SHANK2: variants seen among roughly 807,000 people sequenced by gnomAD.
SHANK2 encodes the protein SH3 and multiple ankyrin repeat domains 2, also known as SH3 and multiple ankyrin repeat domains protein 2.
Under a neutral mutation model 133.7 loss-of-function variants are expected in SHANK2, and 43 were observed. The ratio of observed to expected loss-of-function variants is 0.32; its 90% CI spans 0.25 to 0.41. SHANK2 has a LOEUF of 0.41. SHANK2 is among the 10% of genes least tolerant of loss of function. The pLI is 1.00. For missense variants in SHANK2, 1,994 were observed against 2,235.8 expected (o/e 0.89, Z 2.18); for synonymous variants, 1,017 against 952.8 (o/e 1.07, Z -1.24).
intron 17 of SHANK2, among the ~76,000 whole-genome samples, chr11:70,503,942 GC>G (rs2059098759): frequency 6.6e-6 from 1 of 152,196 alleles, no homozygotes; most frequent in African/African-American, 2.4e-5. Context: ...AAAGGCCCCG[GC>G]CTCACCCCTG....
chr11:70,547,709 A>G (rs1429844631), intron 17 of SHANK2, among the ~76,000 whole-genome samples: 2 of 152,160 alleles, frequency 1.3e-5, no homozygotes, highest in East Asian at 3.9e-4. Flanking sequence ...AAGAAAAGCA[A>G]CTTCTCTGGG....
At chr11:70,762,512 T>G (rs1591822453) in intron 14 of SHANK2, among the ~76,000 whole-genome samples, 1 of 152,176 alleles carries the variant, frequency 6.6e-6, no homozygotes, top group South Asian at 2.1e-4. Flanking sequence ...AGGGTTTTTG[T>G]GGTGCCAAGT....
At chr11:70,894,046 C>A (rs143973287) in intron 11 of SHANK2, among the ~76,000 whole-genome samples, 13 of 152,242 alleles carry the variant, frequency 8.5e-5, no homozygotes, top group African/African-American at 2.9e-4. Context: ...CCTCTCTGTT[C>A]GTAAAGAGTT....
chr11:71,061,111 G>A (rs1345486955), intron 9 of SHANK2, among the ~76,000 whole-genome samples: 1 of 152,262 alleles, frequency 6.6e-6, no homozygotes, highest in Non-Finnish European at 1.5e-5. Flanking sequence ...CACTGTGGGA[G>A]GTGCAGGTCA....
At chr11:70,769,717 G>A (rs562035788) in intron 14 of SHANK2, among the ~76,000 whole-genome samples, 10 of 148,904 alleles carry the variant, frequency 6.7e-5, no homozygotes, top group South Asian at 2.2e-4. Context: ...ACACATGTGC[G>A]TGTGTTCTAT....
chr11:70,525,614 G>A (rs1372736165), intron 17 of SHANK2, among the ~76,000 whole-genome samples: 1 of 152,116 alleles, frequency 6.6e-6, no homozygotes, highest in Non-Finnish European at 1.5e-5. Flanking sequence ...ATCAGAACAG[G>A]AGCGAACAGG....
chr11:71,083,065 C>T (rs966073320), intron 8 of SHANK2, among the ~76,000 whole-genome samples: 1 of 152,010 alleles, frequency 6.6e-6, no homozygotes, highest in African/African-American at 2.4e-5. Context: ...CCACCTCAGC[C>T]TCCAAAGTAG....
At chr11:70,626,809 C>A (rs1555000120) in intron 17 of SHANK2, among the ~76,000 whole-genome samples, 7 of 152,334 alleles carry the variant, frequency 4.6e-5, no homozygotes, top group Middle Eastern at 3.4e-3. Flanking sequence ...GGAGGCAGAG[C>A]TGGCCTCTGT....
intron 17 of SHANK2, among the ~76,000 whole-genome samples, chr11:70,587,010 C>T (rs1478232465): frequency 3.9e-5 from 6 of 152,194 alleles, no homozygotes; most frequent in African/African-American, 9.6e-5. Context: ...CCGCTGGGCA[C>T]ATGCAGGAAT....
chr11:70,485,912 C>T lies in SHANK2; in HGVS notation c.4381G>A (p.Asp1461Asn). Residue 1461 changes from aspartate to asparagine, a missense_variant, in exon 25 of 26, where the codon GAC becomes AAC. Physicochemically the swap from Asp to Asn is conservative, Grantham distance 23. Coordinates refer to ENST00000601538, the MANE Select transcript of SHANK2 (RefSeq NM_012309.5). This position sits in a 1 kb window ranked among gnomAD's most constrained non-coding sequence, Gnocchi z 5.8. ...LNSSQPTNSA[D>N]SKKPASLSNC... The stretch of plus-strand genomic sequence containing the variant: ...GAAAGACTGGCTGGCTTCTTGCTGT[C>T]TGCAGAGTTGGTTGGTTGGCTGGAG... 1 of 1,614,086 alleles carries T rather than the reference C, an allele frequency of 6.2e-7. No homozygotes were observed. The highest frequency in any genetic ancestry group is 1.3e-5 in the African/African-American group (1 of 75,036).
chr11:70,842,321 C>A (rs1294156128), intron 11 of SHANK2, among the ~76,000 whole-genome samples: 1 of 152,188 alleles, frequency 6.6e-6, no homozygotes, highest in Non-Finnish European at 1.5e-5. Context: ...AGCATATTCC[C>A]TGCCGGGTGG....
intron 25 of SHANK2, among the ~76,000 whole-genome samples, chr11:70,482,693 AAG>A (rs1371572572): frequency 6.6e-6 from 1 of 152,158 alleles, no homozygotes; most frequent in Non-Finnish European, 1.5e-5. Context: ...TTCTTACTGT[AAG>A]AGAGCCGGGC....
intron 17 of SHANK2, among the ~76,000 whole-genome samples, chr11:70,545,388 G>A (rs1554976123): frequency 6.6e-6 from 1 of 152,176 alleles, no homozygotes; most frequent in East Asian, 1.9e-4. Flanking sequence ...GGGCTCCCAG[G>A]GAGGGGCTGG....
At chr11:70,947,870 G>A (rs1950771228) in intron 10 of SHANK2, among the ~76,000 whole-genome samples, 1 of 152,092 alleles carries the variant, frequency 6.6e-6, no homozygotes, top group Admixed American at 6.5e-5. Flanking sequence ...CCATTTTAGA[G>A]TTCTCTTCTG....
intron 14 of SHANK2, among the ~76,000 whole-genome samples, chr11:70,760,273 G>T (rs1315765495): frequency 6.6e-6 from 1 of 152,200 alleles, no homozygotes; most frequent in Non-Finnish European, 1.5e-5. Flanking sequence ...ATAAAGCCCC[G>T]TTCCACCCTC....
At chr11:70,563,914 T>A (rs1286243918) in intron 17 of SHANK2, among the ~76,000 whole-genome samples, 1 of 152,242 alleles carries the variant, frequency 6.6e-6, no homozygotes, top group Admixed American at 6.5e-5. Flanking sequence ...TTGAAATAAC[T>A]CTGTTGAATA....
At chr11:70,889,773 TCAGGACCAGGAC>T (rs113835444) in intron 11 of SHANK2, among the ~76,000 whole-genome samples, 1 of 152,020 alleles carries the variant, frequency 6.6e-6, no homozygotes, top group Non-Finnish European at 1.5e-5. Context: ...AAGATGACAG[TCAGGACCAGGAC>T]CAGGACCAGG....
At chr11:71,208,436 C>T (rs191937900) in intron 2 of SHANK2, among the ~76,000 whole-genome samples, 2 of 152,204 alleles carry the variant, frequency 1.3e-5, no homozygotes, top group East Asian at 1.9e-4. Context: ...AAACCCTAGC[C>T]CGATGCTGCT....
At chr11:70,822,332 G>T (rs1948541431) in intron 11 of SHANK2, among the ~76,000 whole-genome samples, 1 of 152,242 alleles carries the variant, frequency 6.6e-6, no homozygotes, top group African/African-American at 2.4e-5. Context: ...GGGTCTGGGG[G>T]AACCTTCATG....
Sources: gnomAD v4.1 joint callset for allele counts (sites outside exome capture counted in the v4.1 genomes callset) on GRCh38, gnomAD v4.1.1 for gene constraint, Gnocchi (gnomAD v3.1) non-coding constraint, MANE v1.5 for transcripts, NCBI Gene and HGNC (gene_info 2026-07-23, HGNC 2026-07-21) for gene names.